Variants in PLCXD2 observed in about 807,000 individuals in gnomAD.
The protein encoded by PLCXD2 is phosphatidylinositol specific phospholipase C X domain containing 2.
PLCXD2 carries 21 observed loss-of-function variants against 28.6 expected under a neutral mutation model. That is an observed-to-expected ratio of 0.73 (90% CI 0.52 to 1.06). PLCXD2 has a LOEUF of 1.06. PLCXD2 is among the 50% of genes least tolerant of loss of function. PLCXD2 has a pLI of 0.00. For synonymous variants in PLCXD2, 140 were observed against 150.1 expected, an observed-to-expected ratio of 0.93 and a Z score of 0.49; for missense variants, 369 against 376.7, an observed-to-expected ratio of 0.98 and a Z score of 0.17.
chr3:111,709,945 G>A (rs2107864668), intron 2 of PLCXD2, among the ~76,000 whole-genome samples: 2 of 152,294 alleles, frequency 1.3e-5, no homozygotes, highest in South Asian at 4.1e-4. Context: ...AGGGCAGGGG[G>A]ATTGGGCAGA....
intron 2 of PLCXD2, among the ~76,000 whole-genome samples, chr3:111,710,218 C>T (rs1941181990): frequency 6.6e-6 from 1 of 152,178 alleles, no homozygotes; most frequent in South Asian, 2.1e-4. Flanking sequence ...AAACAAGTTT[C>T]TTCACTAAGA....
chr3:111,684,342 A>G (rs1940761680), intron 1 of PLCXD2, among the ~76,000 whole-genome samples: 1 of 151,708 alleles, frequency 6.6e-6, no homozygotes, highest in Non-Finnish European at 1.5e-5. Context: ...AAAAAAAAAA[A>G]AAAAGGCATG....
intron 1 of PLCXD2, among the ~76,000 whole-genome samples, chr3:111,692,203 G>A (rs961581307): frequency 3.9e-5 from 6 of 152,194 alleles, no homozygotes; most frequent in African/African-American, 1.2e-4. Context: ...CACCACGCCC[G>A]GCTAATTTCT....
At chr3:111,683,907 T>G (rs1940754272) in intron 1 of PLCXD2, among the ~76,000 whole-genome samples, 1 of 151,720 alleles carries the variant, frequency 6.6e-6, no homozygotes. Flanking sequence ...GAGGGGGAAA[T>G]AAAATGAGTG....
intron 1 of PLCXD2, chr3:111,691,566 A>C (rs1940877035): frequency 6.6e-6 from 1 of 152,220 alleles, no homozygotes. Flanking sequence ...TCTCTTCATC[A>C]ATTTTCCTGC....
intron 1 of PLCXD2, 22 bp downstream of exon 1, chr3:111,675,430 T>C (rs1940607150): frequency 6.2e-7 from 1 of 1,613,268 alleles, no homozygotes; most frequent in Non-Finnish European, 8.5e-7. Context: ...TTCCTACTTG[T>C]TCCCACTGTG....
chr3:111,682,403 G>C (rs1940730479), intron 1 of PLCXD2, among the ~76,000 whole-genome samples: 1 of 152,192 alleles, frequency 6.6e-6, no homozygotes, highest in Non-Finnish European at 1.5e-5. Flanking sequence ...GAAAATAACA[G>C]GTTGGGGTTT....
chr3:111,721,659 G>A (rs2107876738), intron 3 of PLCXD2: 1 of 152,338 alleles, frequency 6.6e-6, no homozygotes, highest in African/African-American at 2.4e-5. Context: ...AGATAGATAT[G>A]CATGTTTGCT....
At chr3:111,696,722 T>C (rs1005431672) in intron 1 of PLCXD2, among the ~76,000 whole-genome samples, 12 of 152,342 alleles carry the variant, frequency 7.9e-5, no homozygotes, top group African/African-American at 2.6e-4. Context: ...ATCCAATATA[T>C]GTTTTTAGCC....
rs537609523 is a variant in PLCXD2 at position 111,690,752 on chromosome 3, A to G, written c.163+15344A>G. Among the ~76,000 whole-genome samples the G allele has an allele frequency of 4.6e-5, 7 of 152,290 alleles. No individual in the cohort carries two copies. In the South Asian group the frequency reaches 1.4e-3, roughly 32 times the overall value. ...CTTTATTTACAGGAAAGAGAAAAAA[A>G]CCTCTTCTTATCCTGGAGGGGAACT... On this transcript the variant is annotated intron_variant, in intron 1 of 4. Coordinates refer to ENST00000477665, the MANE Select transcript of PLCXD2 (RefSeq NM_001185106.1).
At chr3:111,689,798 A>G (rs989520956) in intron 1 of PLCXD2, among the ~76,000 whole-genome samples, 26 of 152,204 alleles carry the variant, frequency 1.7e-4, no homozygotes, top group Admixed American at 1.1e-3. Context: ...GTTAAGGAGA[A>G]ACTAGGACAG....
At chr3:111,725,274 T>C (rs1367419333) in intron 3 of PLCXD2, 1 of 213,882 alleles carries the variant, frequency 4.7e-6, no homozygotes, top group Non-Finnish European at 9.1e-6. Flanking sequence ...TTGCATAGCA[T>C]AGAACATGGT....
chr3:111,724,711 C>T (rs1190301588), intron 3 of PLCXD2: 2 of 152,200 alleles, frequency 1.3e-5, no homozygotes, highest in African/African-American at 4.8e-5. Flanking sequence ...AGATTTAGTT[C>T]ATGCCACAGT....
At chr3:111,675,635 T>C (rs754530580) in intron 1 of PLCXD2, among the ~76,000 whole-genome samples, 1 of 152,258 alleles carries the variant, frequency 6.6e-6, no homozygotes, top group Non-Finnish European at 1.5e-5. Context: ...TTTTTGTTTG[T>C]GGTTTTTTTG....
intron 3 of PLCXD2, among the ~76,000 whole-genome samples, chr3:111,718,315 A>G (rs1941297933): frequency 6.6e-6 from 1 of 152,062 alleles, no homozygotes; most frequent in Admixed American, 6.6e-5. Flanking sequence ...ATACAAAGAA[A>G]TTAGCTGGGC....
At chr3:111,697,406 A>G (rs564433826) in intron 1 of PLCXD2, among the ~76,000 whole-genome samples, 59 of 152,362 alleles carry the variant, frequency 3.9e-4, no homozygotes, top group African/African-American at 1.3e-3. Flanking sequence ...GATAAAGCAT[A>G]TTGAGAGAGA....
intron 2 of PLCXD2, among the ~76,000 whole-genome samples, chr3:111,712,805 G>A (rs1015564435): frequency 2.6e-5 from 4 of 152,222 alleles, no homozygotes; most frequent in African/African-American, 9.6e-5. Flanking sequence ...AAGATTACTA[G>A]TGCCTGGGAC....
intron 1 of PLCXD2, among the ~76,000 whole-genome samples, chr3:111,695,993 A>C (rs570632950): frequency 1.3e-3 from 202 of 152,314 alleles, no homozygotes; most frequent in Middle Eastern, 3.4e-3. Flanking sequence ...AACTCTTTAA[A>C]ATTGGTTAAC....
chr3:111,684,388 T>C (rs1940762810), intron 1 of PLCXD2, among the ~76,000 whole-genome samples: 1 of 148,916 alleles, frequency 6.7e-6, no homozygotes, highest in Non-Finnish European at 1.5e-5. Context: ...GCACAGTGGC[T>C]CATGCCTGTA....
Sources: allele counts gnomAD v4.1 joint callset (sites outside exome capture counted in the v4.1 genomes callset), GRCh38; gene constraint gnomAD v4.1.1; transcripts MANE v1.5; gene names NCBI Gene and HGNC (gene_info 2026-07-23, HGNC 2026-07-21).